MATN4: variants seen among roughly 807,000 people sequenced by gnomAD.
The protein encoded by MATN4 is matrilin 4.
A neutral mutation model predicts 54.6 loss-of-function variants in MATN4; 40 were observed. That is an observed-to-expected ratio of 0.73 (90% CI 0.57 to 0.95). The LOEUF (loss-of-function observed/expected upper bound fraction) is 0.95. MATN4 is among the 40% of genes least tolerant of loss of function. The probability of loss-of-function intolerance (pLI) is 0.00; values close to 1 mark genes in which losing one functional copy is unlikely to be tolerated. For missense variants in MATN4, 810 were observed against 819.1 expected, an observed-to-expected ratio of 0.99 and a Z score of 0.13; for synonymous variants, 351 against 345.3, an observed-to-expected ratio of 1.02 and a Z score of -0.18.
intron 1 of MATN4, among the ~76,000 whole-genome samples, 186 bp from the exon 2 acceptor site, chr20:45,305,802 A>ATTTTTTTTTTTTTTTTTTTTTTTTT (rs1050722306): frequency 1.1e-3 from 13 of 12,164 alleles, no homozygotes; most frequent in East Asian, 4.5e-3. Context: ...AACACAAGAG[A>ATTTTTTTTTTTTTTTTTTTTTTTTT]TTCTTTTTTT....
intron 3 of MATN4, among the ~76,000 whole-genome samples, chr20:45,303,900 G>A (rs975959423): frequency 6.6e-6 from 1 of 152,238 alleles, no homozygotes; most frequent in African/African-American, 2.4e-5. Flanking sequence ...TCCCCATGTG[G>A]GAGGGCCACG....
intron 8 of MATN4, among the ~76,000 whole-genome samples, chr20:45,297,540 C>T (rs2145644598): frequency 6.6e-6 from 1 of 152,272 alleles, no homozygotes. Flanking sequence ...TATGCTGTGG[C>T]TCCACTTACA....
At chr20:45,296,272 T>G (rs1278297952) in intron 8 of MATN4, among the ~76,000 whole-genome samples, 1 of 73,204 alleles carries the variant, frequency 1.4e-5, no homozygotes, top group African/African-American at 5.4e-5. Flanking sequence ...AAAAAAAAAA[T>G]GCTACAATAA....
intron 1 of MATN4, chr20:45,306,998 AC>A: frequency 3.4e-6 from 3 of 884,942 alleles, no homozygotes; most frequent in South Asian, 5.5e-5. Context: ...ACTACGAAGG[AC>A]CACCCCCCCA....
chr20:45,305,299 C>A (rs1269869294), intron 2 of MATN4, among the ~76,000 whole-genome samples: 1 of 152,192 alleles, frequency 6.6e-6, no homozygotes, highest in Non-Finnish European at 1.5e-5. Context: ...AAATTAAACA[C>A]CCCATGGGCA....
At position 45,300,920 on chromosome 20, in the gene MATN4, G is replaced by A. The variant is rs117643139; in HGVS notation, c.979C>T (p.Arg327Trp). 4.4e-4 allele frequency: 718 copies of A among 1,613,494 alleles called. 8 individuals carry two copies. In the East Asian group the frequency reaches 0.014, roughly 31 times the overall value. The change falls in exon 6 of 10, where the codon CGG (arginine) becomes TGG (tryptophan). Residue 327 changes from arginine to tryptophan, a missense_variant. Physicochemically the swap from Arg to Trp is moderately radical, Grantham distance 101 (BLOSUM62 -3). Transcript: ENST00000372756. ...CTCTTGCCATCTGCCTGAAGTTGCC[G>A]CCCCTCGGGGCACAGGCAGCGGTAG... ...LSYRCLCPEGRQLQADGKSCN... is the reference protein window; with the variant it reads ...LSYRCLCPEGWQLQADGKSCN...
At chr20:45,296,282 A>G (rs1985825834) in intron 8 of MATN4, among the ~76,000 whole-genome samples, 1 of 151,658 alleles carries the variant, frequency 6.6e-6, no homozygotes, top group Admixed American at 6.6e-5. Flanking sequence ...TGCTACAATA[A>G]AAGTACCTTA....
At position 45,301,168 on chromosome 20, in the gene MATN4, G is replaced by T. The variant is rs1298887706; in HGVS notation, c.823C>A (p.Pro275Thr). ...HSCQHECVST[P>T]GGPRCHCREG... ...CTGCAGTGGCACCGTGGCCCACCAG[G>T]GGTGCTAACACACTCATGCTGACAG... is the stretch of plus-strand genomic sequence containing the variant. Residue 275 changes from proline (P) to threonine (T), a missense_variant, in exon 5 of 10, where the codon CCT (proline) becomes ACT (threonine). Pro to Thr is a conservative substitution (Grantham distance 38, BLOSUM62 -1). Transcript: ENST00000372756. 6.2e-7 allele frequency: 1 copy of T among 1,614,180 alleles called. No homozygotes were observed. The highest frequency in any genetic ancestry group is 8.5e-7 in the Non-Finnish European group (1 of 1,180,030).
At chr20:45,296,181 C>T (rs1985809239) in intron 8 of MATN4, among the ~76,000 whole-genome samples, 1 of 128,218 alleles carries the variant, frequency 7.8e-6, no homozygotes, top group African/African-American at 3.0e-5. Flanking sequence ...CACCACTGCA[C>T]TCCAGCCTGG....
intron 8 of MATN4, among the ~76,000 whole-genome samples, chr20:45,294,752 G>A (rs1427462353): frequency 3.3e-5 from 5 of 152,178 alleles, no homozygotes; most frequent in Non-Finnish European, 5.9e-5. Flanking sequence ...ACCAGTACCA[G>A]CCCATGGCCT....
rs1221998959 is a variant in MATN4, at chr20:45,293,515, G to C, written c.*252C>G. 4.4e-6 allele frequency: 2 copies of C among 457,670 alleles called. No individual in the cohort carries two copies. Among genetic ancestry groups the C allele is most frequent in the Non-Finnish European group, 7.6e-6 (2 of 261,588 alleles). 28.4% of individuals were successfully genotyped at this position (457,670 alleles called of 1,614,324 possible). On this transcript the variant is annotated 3_prime_UTR_variant, in exon 10 of 10. Transcript: ENST00000372756. ...GAAATCCAACAAAGAACTGAGCGCAGCACGCGGCGAGGGCGTGCCGGTCTA... is the reference window on the plus strand; with the variant it reads ...GAAATCCAACAAAGAACTGAGCGCACCACGCGGCGAGGGCGTGCCGGTCTA...
At chr20:45,303,269 T>G in intron 3 of MATN4, 1 of 618,260 alleles carries the variant, frequency 1.6e-6, no homozygotes, top group South Asian at 1.9e-5. Context: ...GCCTGTAAAG[T>G]GATGGAGGTG....
In MATN4 at chr20:45,304,566, C is replaced by T; in HGVS notation, c.305G>A (p.Arg102His). 1 of 1,597,468 alleles carries T rather than the reference C, an allele frequency of 6.3e-7. No individual in the cohort carries two copies. Among genetic ancestry groups the T allele is most frequent in the Non-Finnish European group, 8.6e-7 (1 of 1,167,026 alleles). The change falls in exon 3 of 10, where the codon CGC (arginine) becomes CAC (histidine). Residue 102 changes from arginine (R) to histidine (H), a missense_variant. Transcript: ENST00000372756. Reference sequence around the variant, plus strand: ...GCCTTGCGCCAGAGGCACCAGGTCGCGGATGGCGCGCTCCATGTCCTCGCG... The same window carrying T: ...GCCTTGCGCCAGAGGCACCAGGTCGTGGATGGCGCGCTCCATGTCCTCGCG... The part of the protein sequence containing the change: ...SRREDMERAI[R>H]DLVPLAQGTM...
At chr20:45,293,852 T>C in intron 9 of MATN4, 27 bp from the exon 10 acceptor site, 1 of 1,609,878 alleles carries the variant, frequency 6.2e-7, no homozygotes, top group Non-Finnish European at 8.5e-7. Flanking sequence ...GCCGTTGGGG[T>C]TCGCCGAGGT....
chr20:45,301,211 G>A lies in MATN4; in HGVS notation c.780C>T (p.Cys260=). ...GCTGACAGCTATGGTTCCCAAAGCT[G>A]CAGTAGTCAATGGCTGGCAGGAGGG... ...DQRSCRAIDY[C]SFGNHSCQHE... The change falls in exon 5 of 10, where the codon TGC becomes TGT. Residue 260 remains cysteine (C), a synonymous_variant. Transcript: ENST00000372756. 6.2e-7 allele frequency: 1 copy of A among 1,614,104 alleles called. No individual in the cohort carries two copies. The highest frequency in any genetic ancestry group is 8.5e-7 in the Non-Finnish European group (1 of 1,180,006).
chr20:45,304,873 G>A lies in MATN4; in HGVS notation c.74-76C>T, dbSNP rs973794550. On this transcript the variant is annotated intron_variant, in intron 2 of 9. Transcript: ENST00000372756. The stretch of plus-strand genomic sequence containing the variant: ...GAGGAGACCCCCTAGGAAACCCAGG[G>A]GAAATGCCGCTATGCCGACATAACA... 6 of 935,170 alleles carry A rather than the reference G, an allele frequency of 6.4e-6. No individual in the cohort carries two copies. In the African/African-American group the frequency reaches 8.3e-5, roughly 13 times the overall value. 57.9% of individuals were successfully genotyped at this position (935,170 alleles called of 1,614,324 possible). A position where few individuals can be genotyped will look rare whatever the true frequency, so the allele number is the denominator to read the frequency against.
At chr20:45,297,766 G>T in intron 8 of MATN4, 152 bp downstream of exon 8, 1 of 914,034 alleles carries the variant, frequency 1.1e-6, no homozygotes, top group Non-Finnish European at 1.7e-6. Context: ...CCCTGCCGCT[G>T]GCCTGCAGAC....
intron 3 of MATN4, chr20:45,303,591 GTC>G (rs1986381466): frequency 1.5e-6 from 1 of 648,146 alleles, no homozygotes; most frequent in African/African-American, 1.8e-5. Context: ...TGGGGATGGG[GTC>G]AGAGGCAGGC....
Position 45,298,137 on chromosome 20 carries a change from A to G in MATN4, c.1426+33T>C, listed in dbSNP as rs1424799136. ...AAGCTGCCTCCCAGCGTCTGACCCA[A>G]CCCCAGCCCACTGTGTCCCATGCCA... On this transcript the variant is annotated intron_variant, in intron 7 of 9. Transcript: ENST00000372756. The surrounding 1 kb of genome is among the most constrained non-coding windows in gnomAD (Gnocchi z 4.6). 6.9e-6 allele frequency: 11 copies of G among 1,600,090 alleles called. No individual in the cohort carries two copies. Among genetic ancestry groups the G allele is most frequent in the Middle Eastern group, 1.7e-4 (1 of 6,044 alleles).
Sources: allele counts gnomAD v4.1 joint callset (sites outside exome capture counted in the v4.1 genomes callset), GRCh38; gene constraint gnomAD v4.1.1; non-coding constraint Gnocchi (gnomAD v3.1); transcripts MANE v1.5; gene names NCBI Gene and HGNC (gene_info 2026-07-23, HGNC 2026-07-21).